KRT8: variants seen among roughly 807,000 people sequenced by gnomAD.
KRT8 encodes keratin 8, also known as keratin, type II cytoskeletal 8.
A neutral mutation model predicts 43.0 loss-of-function variants in KRT8; 24 were observed. That is an observed-to-expected ratio of 0.56 (90% CI 0.40 to 0.78). The LOEUF (loss-of-function observed/expected upper bound fraction) is 0.78, where lower values mean the gene tolerates loss of function less well. KRT8 is among the 30% of genes least tolerant of loss of function. The probability of loss-of-function intolerance (pLI) is 0.00; values close to 1 mark genes in which losing one functional copy is unlikely to be tolerated. For synonymous variants in KRT8, 214 were observed against 261.2 expected (o/e 0.82, Z 1.74); for missense variants, 492 against 638.4 (o/e 0.77, Z 2.47).
At chr12:52,906,453 A>C, upstream of KRT8, 1 of 319,472 alleles carries the variant, frequency 3.1e-6, no homozygotes, top group Non-Finnish European at 6.2e-6. Flanking sequence ...GAAATAGAGG[A>C]AGAGTCCCTG....
chr12:52,924,304 G>C (rs1184063167), intron 2 of KRT8, among the ~76,000 whole-genome samples: 6 of 151,878 alleles, frequency 4.0e-5, no homozygotes, highest in Admixed American at 2.0e-4. Context: ...AAAAAATTAG[G>C]CGGGCATGGT....
chr12:52,901,824 CA>C (rs1316031131), intron 2 of KRT8, 39 bp downstream of exon 2: 1 of 1,392,572 alleles, frequency 7.2e-7, no homozygotes, highest in Admixed American at 1.7e-5. Context: ...TGGAGGAGAG[CA>C]CGGTGACTTC....
chr12:52,923,789 A>T (rs1158188590), intron 2 of KRT8, among the ~76,000 whole-genome samples: 1 of 152,090 alleles, frequency 6.6e-6, no homozygotes, highest in African/African-American at 2.4e-5. Context: ...CATTTAAATT[A>T]ATATGGATTT....
chr12:52,945,826 C>T (rs1216052792), intron 2 of KRT8, among the ~76,000 whole-genome samples: 1 of 152,136 alleles, frequency 6.6e-6, no homozygotes, highest in Non-Finnish European at 1.5e-5. Context: ...TCCTGCTCCA[C>T]CCTTTCCCGG....
rs1460777074 is a variant in KRT8, at chr12:52,938,163, TATATATA to T, written c.-47+11286_-47+11292del. On this transcript the variant is annotated intron_variant, in intron 2 of 6. Coordinates refer to the KRT8 transcript ENST00000546826. ...ATATATATATATATATATATATATA[TATATATA>T]TTTTTTTTTTTTTTTATATATAAGG... Among the ~76,000 whole-genome samples, 178 of 38,404 alleles carry T rather than the reference TATATATA, an allele frequency of 4.6e-3. 1 individual carries two copies. The highest frequency in any genetic ancestry group is 0.019 in the African/African-American group (102 of 5,322). The allele number at this position is 38,404 out of a possible 152,430, so 25.2% of individuals were successfully genotyped here. A position where few individuals can be genotyped will look rare whatever the true frequency, so the allele number is the denominator to read the frequency against.
intron 2 of KRT8, among the ~76,000 whole-genome samples, chr12:52,935,173 G>A (rs868322638): frequency 6.6e-6 from 1 of 151,816 alleles, no homozygotes; most frequent in Middle Eastern, 3.4e-3. Context: ...CTGAGGTTAG[G>A]AGTTCGAGAC....
In KRT8 at chr12:52,897,760, CACT is replaced by C. The variant is rs1941251153; in HGVS notation, c.1262-145_1262-143del. ...CTGCCTGATCAGTGATTGCATGGTTCACTACTCCAGAACTGTCAGGGAAAACCA... is the reference window on the plus strand; with the variant it reads ...CTGCCTGATCAGTGATTGCATGGTTCACTCCAGAACTGTCAGGGAAAACCA... On this transcript the variant is annotated intron_variant, in intron 7 of 7. Coordinates refer to ENST00000692008, the Ensembl canonical transcript of KRT8. The C allele has an allele frequency of 2.1e-5, 24 of 1,144,606 alleles. 1 individual carries two copies. In the East Asian group the frequency reaches 5.7e-4, roughly 27 times the overall value. The allele number at this position is 1,144,606 out of a possible 1,614,324, so 70.9% of individuals were successfully genotyped here.
intron 1 of KRT8, among the ~76,000 whole-genome samples, chr12:52,902,688 A>G (rs1941403253): frequency 6.6e-6 from 1 of 151,528 alleles, no homozygotes; most frequent in African/African-American, 2.4e-5. Context: ...GCGCCCGGCC[A>G]AAAATAGCCA....
upstream of KRT8, chr12:52,906,672 G>C: frequency 2.2e-6 from 1 of 455,788 alleles, no homozygotes; most frequent in South Asian, 1.5e-5. Flanking sequence ...TGGGTTCTCT[G>C]GAAGATACTG....
At chr12:52,916,773 AGCCC>A (rs1192814651) in intron 2 of KRT8, among the ~76,000 whole-genome samples, 2 of 152,226 alleles carry the variant, frequency 1.3e-5, no homozygotes, top group Non-Finnish European at 2.9e-5. Flanking sequence ...AGTGTGGACA[AGCCC>A]GCCTTCTCGC....
At chr12:52,941,169 C>T (rs1026537225) in intron 2 of KRT8, among the ~76,000 whole-genome samples, 33 of 151,188 alleles carry the variant, frequency 2.2e-4, no homozygotes, top group African/African-American at 7.1e-4. Flanking sequence ...TGGGTTCAAG[C>T]GAATCTCCTG....
intron 2 of KRT8, among the ~76,000 whole-genome samples, chr12:52,935,470 A>T (rs1158023866): frequency 6.8e-6 from 1 of 146,154 alleles, no homozygotes; most frequent in African/African-American, 2.5e-5. Context: ...AGGCGGGTGT[A>T]TCACGAGGTC....
intron 2 of KRT8, among the ~76,000 whole-genome samples, chr12:52,939,329 A>C (rs1043559387): frequency 8.6e-5 from 13 of 151,998 alleles, no homozygotes; most frequent in Middle Eastern, 3.4e-3. Flanking sequence ...AACATGGTGA[A>C]ACTGTCTCTA....
chr12:52,948,911 G>A, intron 2 of KRT8: 1 of 435,632 alleles, frequency 2.3e-6, no homozygotes, highest in African/African-American at 2.1e-5. Context: ...CCGTGTCCAT[G>A]CCCGGTTGGC....
upstream of KRT8, among the ~76,000 whole-genome samples, chr12:52,911,169 T>G (rs1941629211): frequency 6.6e-6 from 1 of 152,084 alleles, no homozygotes; most frequent in African/African-American, 2.4e-5. Flanking sequence ...CTGGCCAACA[T>G]GGTGAAACCC....
At chr12:52,918,712 T>C (rs1210283300) in intron 2 of KRT8, among the ~76,000 whole-genome samples, 1 of 152,154 alleles carries the variant, frequency 6.6e-6, no homozygotes, top group East Asian at 1.9e-4. Context: ...GTGCCTAAAA[T>C]AGCAGGTTTT....
At chr12:52,943,994 G>A (rs890524618) in intron 2 of KRT8, among the ~76,000 whole-genome samples, 1 of 152,226 alleles carries the variant, frequency 6.6e-6, no homozygotes, top group Non-Finnish European at 1.5e-5. Flanking sequence ...GTGGTGAGCA[G>A]GGAGCAGAAG....
chr12:52,947,227 C>T (rs1053016573), intron 2 of KRT8: 15 of 152,282 alleles, frequency 9.9e-5, no homozygotes, highest in African/African-American at 3.6e-4. Flanking sequence ...AGCATGAAAG[C>T]CTCCCTACCT....
chr12:52,904,597 A>T, intron 1 of KRT8, 61 bp downstream of exon 1: 1 of 1,482,890 alleles, frequency 6.7e-7, no homozygotes, highest in Non-Finnish European at 9.4e-7. Context: ...GTGCATAGGG[A>T]CCGGGACTAC....
Sources: gnomAD v4.1 joint callset for allele counts (sites outside exome capture counted in the v4.1 genomes callset) on GRCh38, gnomAD v4.1.1 for gene constraint, MANE v1.5 for transcripts, NCBI Gene and HGNC (gene_info 2026-07-23, HGNC 2026-07-21) for gene names.